C10orf90: variants seen among roughly 807,000 people sequenced by gnomAD.
The protein encoded by C10orf90 is chromosome 10 open reading frame 90.
Under a neutral mutation model 62.5 loss-of-function variants are expected in C10orf90, and 56 were observed. The observed-to-expected ratio is 0.90, with a 90% CI of 0.72 to 1.12. C10orf90 has a LOEUF of 1.12. Among genes scored for constraint, C10orf90 ranks in the 50% most tolerant of loss-of-function variants. C10orf90 has a pLI of 0.00. For missense variants in C10orf90, 970 were observed against 880.4 expected (o/e 1.10, Z -1.29); for synonymous variants, 386 against 340.4 (o/e 1.13, Z -1.47).
At chr10:126,563,405 C>T (rs1456841246) in intron 2 of C10orf90, among the ~76,000 whole-genome samples, 1 of 152,116 alleles carries the variant, frequency 6.6e-6, no homozygotes, top group East Asian at 1.9e-4. Context: ...TTAACCAGAG[C>T]CATAAATGGC....
At chr10:126,575,605 T>C (rs1321178858) in intron 2 of C10orf90, among the ~76,000 whole-genome samples, 1 of 151,746 alleles carries the variant, frequency 6.6e-6, no homozygotes, top group Non-Finnish European at 1.5e-5. Context: ...CCACAAAGGA[T>C]TCTGAATAGC....
At chr10:126,477,006 T>G (rs1860912072) in intron 4 of C10orf90, among the ~76,000 whole-genome samples, 1 of 142,938 alleles carries the variant, frequency 7.0e-6, no homozygotes, top group Non-Finnish European at 1.5e-5. Flanking sequence ...GCCTACCGGG[T>G]TCACGCCATT....
intron 2 of C10orf90, among the ~76,000 whole-genome samples, chr10:126,639,219 T>A (rs1233361211): frequency 1.3e-5 from 2 of 152,168 alleles, no homozygotes; most frequent in African/African-American, 4.8e-5. Context: ...GTGATTCAGA[T>A]GCACCCCTCC....
chr10:126,571,545 T>C (rs958736711), intron 2 of C10orf90, among the ~76,000 whole-genome samples: 1 of 152,186 alleles, frequency 6.6e-6, no homozygotes, highest in Non-Finnish European at 1.5e-5. Context: ...GGCACATGAA[T>C]AATGAATATA....
chr10:126,443,938 A>G (rs34482651), intron 7 of C10orf90, among the ~76,000 whole-genome samples: 2,677 of 152,252 alleles, frequency 0.018, 41 homozygotes, highest in Non-Finnish European at 0.025. Flanking sequence ...GATCATCTCA[A>G]TAGAAGCAGA....
chr10:126,599,905 C>T (rs2134039296), intron 2 of C10orf90, among the ~76,000 whole-genome samples: 1 of 152,254 alleles, frequency 6.6e-6, no homozygotes, highest in Non-Finnish European at 1.5e-5. Context: ...ATGTGAAACA[C>T]AAAAAGGAAG....
intron 2 of C10orf90, among the ~76,000 whole-genome samples, chr10:126,580,161 G>GT (rs1844716427): frequency 6.6e-6 from 1 of 152,104 alleles, no homozygotes; most frequent in Non-Finnish European, 1.5e-5. Context: ...AGGGGCATAG[G>GT]GTCTGGTAAA....
chr10:126,623,042 T>C (rs1420960677), intron 2 of C10orf90, among the ~76,000 whole-genome samples: 2 of 152,172 alleles, frequency 1.3e-5, no homozygotes, highest in Non-Finnish European at 2.9e-5. Flanking sequence ...TTAGAGACAA[T>C]GGCACAGGCA....
At chr10:126,502,779 T>C (rs770481674) in intron 4 of C10orf90, 7 of 521,466 alleles carry the variant, frequency 1.3e-5, no homozygotes, top group Admixed American at 6.1e-5. Flanking sequence ...ACCACTAAAG[T>C]GGGATTTATC....
intron 1 of C10orf90, among the ~76,000 whole-genome samples, chr10:126,665,479 C>T (rs1460154085): frequency 6.6e-6 from 1 of 152,142 alleles, no homozygotes; most frequent in Non-Finnish European, 1.5e-5. Flanking sequence ...GAACGGTGTA[C>T]TCCAACCACT....
At chr10:126,539,649 T>C (rs1412381917) in intron 2 of C10orf90, among the ~76,000 whole-genome samples, 1 of 152,132 alleles carries the variant, frequency 6.6e-6, no homozygotes, top group Admixed American at 6.5e-5. Flanking sequence ...GCAAAAGAAA[T>C]ATAATACTTA....
At chr10:126,491,615 T>C (rs1466295640) in intron 4 of C10orf90, among the ~76,000 whole-genome samples, 2 of 152,238 alleles carry the variant, frequency 1.3e-5, no homozygotes, top group Non-Finnish European at 2.9e-5. Context: ...TAGGAGCATC[T>C]GAAAGATTCC....
intron 2 of C10orf90, among the ~76,000 whole-genome samples, chr10:126,639,603 G>A (rs921554874): frequency 3.3e-5 from 5 of 152,114 alleles, no homozygotes; most frequent in East Asian, 1.9e-4. Context: ...TGTCCACCCC[G>A]ATGTCTGATT....
intron 2 of C10orf90, among the ~76,000 whole-genome samples, chr10:126,607,315 T>G (rs1383198050): frequency 6.6e-6 from 1 of 152,252 alleles, no homozygotes; most frequent in Non-Finnish European, 1.5e-5. Flanking sequence ...GCGTTGGCTG[T>G]GTTGAAAATC....
chr10:126,538,849 C>G (rs955717700), intron 2 of C10orf90, among the ~76,000 whole-genome samples: 1 of 152,138 alleles, frequency 6.6e-6, no homozygotes, highest in Admixed American at 6.5e-5. Context: ...GGGTTTCCTC[C>G]AAAAGTAGCT....
intron 4 of C10orf90, chr10:126,469,974 G>C (rs911857713): frequency 2.2e-5 from 10 of 456,586 alleles, no homozygotes; most frequent in Admixed American, 1.6e-4. Context: ...TGCTGCGGAG[G>C]CAGGGAAGGC....
chr10:126,453,514 C>G lies in C10orf90; in HGVS notation c.2188+5526G>C, dbSNP rs563877290. On this transcript the variant is annotated intron_variant, in intron 7 of 9. Coordinates refer to ENST00000488181, the MANE Select transcript of C10orf90 (RefSeq NM_001350921.2). The surrounding 1 kb of genome is among the most constrained non-coding windows in gnomAD (Gnocchi z 4.9). ...GAAGGGGATGTTCCTGAAGGGTTTT[C>G]TACACATTCGAAGGTTAAGGGGACA... Among the ~76,000 whole-genome samples, 4 of 152,142 alleles carry G rather than the reference C, an allele frequency of 2.6e-5. No individual in the cohort carries two copies. The highest frequency in any genetic ancestry group is 9.6e-5 in the African/African-American group (4 of 41,492).
intron 2 of C10orf90, among the ~76,000 whole-genome samples, chr10:126,595,115 A>C (rs1348939870): frequency 6.6e-6 from 1 of 152,188 alleles, no homozygotes; most frequent in Non-Finnish European, 1.5e-5. Flanking sequence ...GATTTCCAGA[A>C]GTCTTTAGCC....
intron 7 of C10orf90, among the ~76,000 whole-genome samples, chr10:126,446,974 G>T (rs1858825959): frequency 6.6e-6 from 1 of 152,126 alleles, no homozygotes; most frequent in African/African-American, 2.4e-5. Context: ...ATTACAAGAT[G>T]TTTTATGTAT....
Sources: gnomAD v4.1 joint callset for allele counts (sites outside exome capture counted in the v4.1 genomes callset) on GRCh38, gnomAD v4.1.1 for gene constraint, Gnocchi (gnomAD v3.1) non-coding constraint, MANE v1.5 for transcripts, NCBI Gene and HGNC (gene_info 2026-07-23, HGNC 2026-07-21) for gene names.